Variants in DCAF6 observed in about 807,000 individuals in gnomAD.
DCAF6 encodes DDB1 and CUL4 associated factor 6.
Under a neutral mutation model 125.1 loss-of-function variants are expected in DCAF6, and 54 were observed. The observed-to-expected ratio is 0.43, with a 90% CI of 0.35 to 0.54. The LOEUF is 0.54. DCAF6 is among the 20% of genes least tolerant of loss of function. DCAF6 has a pLI of 0.01. For missense variants in DCAF6, 934 were observed against 1,161.7 expected, an observed-to-expected ratio of 0.80 and a Z score of 2.85; for synonymous variants, 371 against 390.4, an observed-to-expected ratio of 0.95 and a Z score of 0.58.
chr1:168,010,231 A>G (rs1027282322), intron 10 of DCAF6, among the ~76,000 whole-genome samples: 4 of 152,134 alleles, frequency 2.6e-5, no homozygotes, highest in Non-Finnish European at 5.9e-5. Flanking sequence ...TTTTAAGGTA[A>G]CTTACAGAAA....
At chr1:167,966,382 T>G (rs1676427442) in intron 2 of DCAF6, among the ~76,000 whole-genome samples, 1 of 152,190 alleles carries the variant, frequency 6.6e-6, no homozygotes, top group South Asian at 2.1e-4. Flanking sequence ...ATTATGAGAT[T>G]TTTTTGCTAT....
chr1:168,037,145 G>A (rs1487017389), intron 12 of DCAF6, among the ~76,000 whole-genome samples: 5 of 133,512 alleles, frequency 3.7e-5, no homozygotes, highest in African/African-American at 8.5e-5. Context: ...ACCCAGACTC[G>A]ACTCGAACTC....
rs1380235681 is a variant in DCAF6, at chr1:167,999,309, T to G, written c.904-3173T>G. ...TATTCCATTTATAGAGCAGATTCAA[T>G]TAAACATAATTCTTAAGGGCCTTAG... is the stretch of plus-strand genomic sequence containing the variant. On this transcript the variant is annotated intron_variant, in intron 7 of 21. Transcript: ENST00000367840. Among the ~76,000 whole-genome samples, 4 of 152,132 alleles carry G rather than the reference T, an allele frequency of 2.6e-5. No individual in the cohort carries two copies. The East Asian group carries it at 7.7e-4, about 29-fold the overall frequency.
At chr1:168,042,758 G>A in intron 13 of DCAF6, 1 of 263,796 alleles carries the variant, frequency 3.8e-6, no homozygotes, top group South Asian at 9.0e-5. Flanking sequence ...AGAGAGACAT[G>A]TAGAAATACA....
chr1:168,063,805 C>T, intron 18 of DCAF6, 46 bp downstream of exon 18: 3 of 1,565,174 alleles, frequency 1.9e-6, no homozygotes, highest in Admixed American at 2.0e-5. Flanking sequence ...CAGTTTCATG[C>T]TCTGAGTGTT....
At position 167,936,734 on chromosome 1, in the gene DCAF6, G is replaced by T; in HGVS notation, c.-178G>T. The T allele has an allele frequency of 1.7e-6, 1 of 600,394 alleles. No individual in the cohort carries two copies. Among genetic ancestry groups the T allele is most frequent in the Non-Finnish European group, 3.0e-6 (1 of 336,230 alleles). 37.2% of individuals were successfully genotyped at this position (600,394 alleles called of 1,614,324 possible). The stretch of plus-strand genomic sequence containing the variant: ...GAGTATGAGGCGAGCTCCGGCCCGG[G>T]TGCGGCCGGGCTTCAGGGGCCCAGG... On this transcript the variant is annotated 5_prime_UTR_variant, in exon 1 of 22. Transcript: ENST00000367840.
intron 1 of DCAF6, among the ~76,000 whole-genome samples, chr1:167,938,161 C>T (rs1358989132): frequency 6.6e-6 from 1 of 152,110 alleles, no homozygotes; most frequent in African/African-American, 2.4e-5. Context: ...AATTTCACTC[C>T]GCCACCCTTA....
At chr1:167,924,590 C>T in the DCAF6 span, 28 of 1,284,944 alleles carry the variant, frequency 2.2e-5, no homozygotes, top group Middle Eastern at 2.1e-4. Flanking sequence ...ATATTATACA[C>T]GTCTTTTAAC....
At chr1:167,900,896 A>G in the DCAF6 span, among the ~76,000 whole-genome samples, 8 of 152,330 alleles carry the variant, frequency 5.3e-5, no homozygotes, top group African/African-American at 1.9e-4. Context: ...GAAACAGTTA[A>G]TTGTATAACT....
rs77214543 is a variant in DCAF6, at chr1:167,998,954, G to A, written c.904-3528G>A. Among the ~76,000 whole-genome samples the A allele has an allele frequency of 7.9e-3, 1,201 of 152,060 alleles. 13 individuals carry two copies. Among genetic ancestry groups the A allele is most frequent in the African/African-American group, 0.027 (1,132 of 41,462 alleles). ...CACGAATCACAAAAGTTCTTAATAA[G>A]GCATCTAGAATGGTCAATCCTTTCT... On this transcript the variant is annotated intron_variant, in intron 7 of 21. Transcript: ENST00000367840.
chr1:167,903,776 G>A, the DCAF6 span: 1 of 772,860 alleles, frequency 1.3e-6, no homozygotes, highest in Non-Finnish European at 2.3e-6. Flanking sequence ...ACATTTCATG[G>A]GGAAGAGGAG....
At chr1:167,889,141 C>A in the DCAF6 span, among the ~76,000 whole-genome samples, 3 of 152,088 alleles carry the variant, frequency 2.0e-5, no homozygotes, top group Admixed American at 2.0e-4. Flanking sequence ...AAGTGGGCAT[C>A]CTTGTGTTCT....
the DCAF6 span, among the ~76,000 whole-genome samples, chr1:167,882,484 CAA>C: frequency 1.1e-4 from 8 of 71,152 alleles, no homozygotes; most frequent in African/African-American, 4.0e-4. Context: ...GATTCCGTCT[CAA>C]AAAAAAAAAA....
chr1:168,042,916 TTTAC>T, intron 13 of DCAF6, 105 bp from the exon 14 acceptor site: 1 of 652,572 alleles, frequency 1.5e-6, no homozygotes. Flanking sequence ...AATCCTACAT[TTTAC>T]TTGTGAATTT....
chr1:167,932,413 T>C (rs1443726088), upstream of DCAF6, among the ~76,000 whole-genome samples: 1 of 152,232 alleles, frequency 6.6e-6, no homozygotes, highest in Non-Finnish European at 1.5e-5. Flanking sequence ...TGTTTCATTG[T>C]GTGCACCCCT....
At chr1:168,006,875 T>A (rs1683405315) in intron 10 of DCAF6, among the ~76,000 whole-genome samples, 1 of 152,192 alleles carries the variant, frequency 6.6e-6, no homozygotes, top group South Asian at 2.1e-4. Flanking sequence ...TTTGCTACGC[T>A]CCATCTCTGG....
chr1:167,903,500 G>T, the DCAF6 span, among the ~76,000 whole-genome samples: 2 of 151,830 alleles, frequency 1.3e-5, no homozygotes, highest in Non-Finnish European at 1.5e-5. Context: ...GGAGGCGAAG[G>T]TTGCAGTGAG....
chr1:168,007,587 C>T (rs557684189), intron 10 of DCAF6, among the ~76,000 whole-genome samples: 10 of 152,210 alleles, frequency 6.6e-5, no homozygotes, highest in South Asian at 4.1e-4. Flanking sequence ...CTAGATTTTT[C>T]GACCCGGTTG....
the DCAF6 span, chr1:167,880,034 T>C: frequency 1.6e-6 from 2 of 1,229,038 alleles, no homozygotes; most frequent in South Asian, 2.6e-5. Flanking sequence ...CTCACTCATT[T>C]TTGTGCTTCC....
Sources: gnomAD v4.1 joint callset for allele counts (sites outside exome capture counted in the v4.1 genomes callset) on GRCh38, gnomAD v4.1.1 for gene constraint, MANE v1.5 for transcripts, NCBI Gene and HGNC (gene_info 2026-07-23, HGNC 2026-07-21) for gene names.